LMNB2: variants seen among roughly 807,000 people sequenced by gnomAD.
LMNB2 encodes the protein lamin B2.
Under a neutral mutation model 69.3 loss-of-function variants are expected in LMNB2, and 17 were observed. The ratio of observed to expected loss-of-function variants is 0.25; its 90% confidence interval spans 0.17 to 0.37. The LOEUF (loss-of-function observed/expected upper bound fraction) is 0.37. Ranked by LOEUF, LMNB2 falls within the 10% of genes least tolerant of loss-of-function variation. The probability of loss-of-function intolerance (pLI) is 1.00; values close to 1 mark genes in which losing one functional copy is unlikely to be tolerated. For missense variants in LMNB2, 789 were observed against 883.6 expected (o/e 0.89, Z 1.36); for synonymous variants, 397 against 389.3 (o/e 1.02, Z -0.23).
At chr19:2,451,429 G>A (rs1972019995) in intron 1 of LMNB2, among the ~76,000 whole-genome samples, 1 of 152,222 alleles carries the variant, frequency 6.6e-6, no homozygotes. Context: ...GATGCAGACA[G>A]TCTGGCCTTT....
In LMNB2 at chr19:2,428,498, T is replaced by C. The variant is rs1022978190; in HGVS notation, c.*2413A>G. ...CGCTGGCATGAGGACAGGTGCATGA[T>C]CGGATTCTGGGTCAGCCCGCAGGCC... On this transcript the variant is annotated 3_prime_UTR_variant, in exon 12 of 12. Coordinates refer to ENST00000325327, the MANE Select transcript of LMNB2 (RefSeq NM_032737.4). 3 of 152,328 alleles carry C rather than the reference T, an allele frequency of 2.0e-5. No individual in the cohort carries two copies. The highest frequency in any genetic ancestry group is 7.2e-5 in the African/African-American group (3 of 41,568). 9.4% of individuals were successfully genotyped at this position (152,328 alleles called of 1,614,324 possible). A position where few individuals can be genotyped will look rare whatever the true frequency, so the allele number is the denominator to read the frequency against.
At chr19:2,431,171 C>T (rs1971734520) in intron 11 of LMNB2, among the ~76,000 whole-genome samples, 1 of 152,216 alleles carries the variant, frequency 6.6e-6, no homozygotes, top group Non-Finnish European at 1.5e-5. Context: ...TTGCGACGCA[C>T]GCGTTTAATG....
rs1473056493 is a variant in LMNB2, at chr19:2,453,915, A to G, written c.264+2755T>C. ...CCACGGGTCCAGCAGGCGGCCTCTA[A>G]GTTGGGACAACTCCGCACTGGACAG... On this transcript the variant is annotated intron_variant, in intron 1 of 11. Coordinates refer to ENST00000325327, the MANE Select transcript of LMNB2 (RefSeq NM_032737.4). The surrounding 1 kb of genome is among the most constrained non-coding windows in gnomAD (Gnocchi z 4.4). Among the ~76,000 whole-genome samples, 2 of 152,230 alleles carry G rather than the reference A, an allele frequency of 1.3e-5. No individual in the cohort carries two copies. Among genetic ancestry groups the G allele is most frequent in the African/African-American group, 4.8e-5 (2 of 41,452 alleles).
At chr19:2,440,363 T>C (rs954417887) in intron 2 of LMNB2, among the ~76,000 whole-genome samples, 15 of 152,172 alleles carry the variant, frequency 9.9e-5, no homozygotes, top group Admixed American at 8.5e-4. Context: ...GATAATTTTG[T>C]ATTTTTAGTA....
rs747264492 is a variant in LMNB2, at chr19:2,438,370, C to T, written c.558+5G>A. 4.3e-6 allele frequency: 7 copies of T among 1,613,106 alleles called. No homozygotes were observed. The South Asian group carries it at 6.6e-5, about 15-fold the overall frequency. On this transcript the variant is annotated splice_donor_5th_base_variant and intron_variant, in intron 3 of 11. Transcript: ENST00000325327. ...CTGGGGCGTCCCGTGGCTCCTGGCA[C>T]CTACCTTGGCCAGCTGGGCCCGCAG...
intron 6 of LMNB2, 82 bp downstream of exon 6, chr19:2,434,706 A>G: frequency 1.3e-6 from 2 of 1,534,254 alleles, no homozygotes; most frequent in African/African-American, 1.4e-5. Context: ...CCAAGAGGCC[A>G]GAGCCCCACG....
rs777988017 is a variant in LMNB2, at chr19:2,431,580, C to T, written c.1789G>A (p.Glu597Lys). The change falls in exon 11 of 12, where the codon GAG (glutamate) becomes AAG (lysine). Residue 597 changes from glutamate (E) to lysine (K), a missense_variant. Coordinates refer to ENST00000325327, the MANE Select transcript of LMNB2 (RefSeq NM_032737.4). ...ENGEEEEEEA[E>K]FGEEDLFHQQ... ...TGGAAAAGATCCTCCTCGCCAAACT[C>T]GGCTTCCTCCTCCTCTTCCTCCCCA... is the stretch of plus-strand genomic sequence containing the variant. 28 of 1,614,024 alleles carry T rather than the reference C, an allele frequency of 1.7e-5. 1 individual carries two copies. The highest frequency in any genetic ancestry group is 5.0e-5 in the Admixed American group (3 of 60,010).
At chr19:2,446,298 G>A (rs1313507185) in intron 1 of LMNB2, among the ~76,000 whole-genome samples, 1 of 151,822 alleles carries the variant, frequency 6.6e-6, no homozygotes, top group Non-Finnish European at 1.5e-5. Context: ...GGGGTCACCA[G>A]GGCAGGCAGA....
intron 4 of LMNB2, among the ~76,000 whole-genome samples, chr19:2,435,826 A>AT (rs1971815561): frequency 6.6e-6 from 1 of 152,056 alleles, no homozygotes; most frequent in Non-Finnish European, 1.5e-5. Context: ...TCAAAAAAAA[A>AT]AAAAGTGACT....
At chr19:2,434,234 TCTC>T (rs1971789708) in intron 7 of LMNB2, 58 bp downstream of exon 7, 8 of 1,554,226 alleles carry the variant, frequency 5.1e-6, no homozygotes, top group Non-Finnish European at 7.0e-6. Flanking sequence ...CCGTCCCGCC[TCTC>T]CTCCTGCCCT....
At chr19:2,435,793 G>A (rs1349400120) in intron 4 of LMNB2, among the ~76,000 whole-genome samples, 1 of 151,670 alleles carries the variant, frequency 6.6e-6, no homozygotes, top group Non-Finnish European at 1.5e-5. Flanking sequence ...ACTCCAACCT[G>A]GGTAACAAAG....
Position 2,456,019 on chromosome 19 carries a change from G to A in LMNB2, c.264+651C>T, listed in dbSNP as rs547305814. 9.3e-5 allele frequency among the ~76,000 whole-genome samples: 14 copies of A among 150,838 alleles called. No individual in the cohort carries two copies. The South Asian group carries it at 2.9e-3, about 32-fold the overall frequency. ...GCGATCGCGCACCCCGCGGTGGCCAGGACCTGCACCCTTCATCCAGGAGCC... is the reference window on the plus strand; with the variant it reads ...GCGATCGCGCACCCCGCGGTGGCCAAGACCTGCACCCTTCATCCAGGAGCC... On this transcript the variant is annotated intron_variant, in intron 1 of 11. Transcript: ENST00000325327.
At chr19:2,439,963 C>T (rs1272965669) in intron 2 of LMNB2, among the ~76,000 whole-genome samples, 1 of 151,948 alleles carries the variant, frequency 6.6e-6, no homozygotes, top group Non-Finnish European at 1.5e-5. Context: ...GAACTCCCAA[C>T]CTCAGGTGAT....
At position 2,447,522 on chromosome 19, in the gene LMNB2, C is replaced by T. The variant is rs376469928; in HGVS notation, c.265-2982G>A. Among the ~76,000 whole-genome samples the T allele has an allele frequency of 1.6e-3, 238 of 152,246 alleles. 1 individual carries two copies. The highest frequency in any genetic ancestry group is 5.1e-3 in the African/African-American group (213 of 41,546). On this transcript the variant is annotated intron_variant, in intron 1 of 11. Transcript: ENST00000325327. This position sits in a 1 kb window ranked among gnomAD's most constrained non-coding sequence, Gnocchi z 4.4. ...TGGCACAGCTGTGGAGATATGAAAA[C>T]GCGAAACCTACGGGTGAGCTGGGTG...
At chr19:2,436,418 A>G (rs1971821899) in intron 4 of LMNB2, among the ~76,000 whole-genome samples, 1 of 152,206 alleles carries the variant, frequency 6.6e-6, no homozygotes, top group Admixed American at 6.5e-5. Context: ...AAACAAAAAC[A>G]GTAGAAACGC....
intron 9 of LMNB2, 148 bp downstream of exon 9, chr19:2,432,268 G>A (rs1041180574): frequency 7.2e-5 from 52 of 726,886 alleles, no homozygotes; most frequent in Middle Eastern, 3.6e-4. Flanking sequence ...AGCACATGGA[G>A]GTTCTATGAC....
intron 4 of LMNB2, among the ~76,000 whole-genome samples, chr19:2,437,840 A>AATG (rs1489870869): frequency 6.6e-6 from 1 of 150,852 alleles, no homozygotes; most frequent in Non-Finnish European, 1.5e-5. Flanking sequence ...AGCAGCTGTG[A>AATG]ATGGACCTTA....
chr19:2,444,577 C>CT, intron 1 of LMNB2, 37 bp from the exon 2 acceptor site: 1 of 1,602,266 alleles, frequency 6.2e-7, no homozygotes, highest in Non-Finnish European at 8.5e-7. Flanking sequence ...CGAGAGGGAC[C>CT]CTTCCCCTTG....
At chr19:2,438,674 GC>G in intron 2 of LMNB2, 143 bp from the exon 3 acceptor site, 1 of 968,394 alleles carries the variant, frequency 1.0e-6, no homozygotes, top group Non-Finnish European at 1.5e-6. Context: ...AGACGACGCG[GC>G]CCCACGCGCC....
Sources: gnomAD v4.1 joint callset for allele counts (sites outside exome capture counted in the v4.1 genomes callset) on GRCh38, gnomAD v4.1.1 for gene constraint, Gnocchi (gnomAD v3.1) non-coding constraint, MANE v1.5 for transcripts, NCBI Gene and HGNC (gene_info 2026-07-23, HGNC 2026-07-21) for gene names.